MALT1: variants seen among roughly 807,000 people sequenced by gnomAD.
MALT1 encodes MALT1 paracaspase.
Under a neutral mutation model 85.5 loss-of-function variants are expected in MALT1, and 36 were observed. The observed-to-expected ratio is 0.42, with a 90% CI of 0.32 to 0.56. MALT1 has a LOEUF of 0.56. MALT1 is among the 20% of genes least tolerant of loss of function. MALT1 has a pLI of 0.10. For missense variants in MALT1, 716 were observed against 981.6 expected (o/e 0.73, Z 3.62); for synonymous variants, 359 against 361.3 (o/e 0.99, Z 0.07).
chr18:58,684,224 G>A (rs930230379), intron 2 of MALT1, among the ~76,000 whole-genome samples: 1 of 151,982 alleles, frequency 6.6e-6, no homozygotes, highest in Admixed American at 6.6e-5. Context: ...GGGAGCCACC[G>A]CCCTGTTTCT....
Position 58,747,854 on chromosome 18 carries a change from T to C in MALT1, c.*12T>C. On this transcript the variant is annotated 3_prime_UTR_variant, in exon 17 of 17. Coordinates refer to ENST00000649217, the MANE Select transcript of MALT1 (RefSeq NM_006785.4). Reference sequence around the variant, plus strand: ...TTTCTGAAAAATGACCTCCTTGTTTTTGAAAGTTAGCATAATTTTAGATGC... The same window carrying C: ...TTTCTGAAAAATGACCTCCTTGTTTCTGAAAGTTAGCATAATTTTAGATGC... The C allele has an allele frequency of 6.2e-7, 1 of 1,605,412 alleles. No homozygotes were observed. The highest frequency in any genetic ancestry group is 8.5e-7 in the Non-Finnish European group (1 of 1,174,450).
intron 13 of MALT1, among the ~76,000 whole-genome samples, chr18:58,740,479 A>G (rs1052188432): frequency 4.0e-5 from 6 of 151,488 alleles, no homozygotes; most frequent in African/African-American, 1.2e-4. Context: ...CACACATCCT[A>G]TAAGTTTAGG....
chr18:58,718,874 A>G (rs1403139338), intron 9 of MALT1, among the ~76,000 whole-genome samples: 1 of 152,130 alleles, frequency 6.6e-6, no homozygotes, highest in African/African-American at 2.4e-5. Context: ...TCAAGGACGA[A>G]TTGGGAGCTC....
At chr18:58,690,478 G>T in intron 2 of MALT1, 1 of 170,458 alleles carries the variant, frequency 5.9e-6, no homozygotes. Context: ...GGAAGCCAGA[G>T]CCTCCTCCCC....
intron 9 of MALT1, among the ~76,000 whole-genome samples, chr18:58,721,104 G>T (rs1391869226): frequency 3.3e-5 from 5 of 152,192 alleles, no homozygotes; most frequent in Non-Finnish European, 7.3e-5. Context: ...AAAAGGCCAG[G>T]CGTGGTGGCT....
At position 58,748,129 on chromosome 18, in the gene MALT1, T is replaced by G; in HGVS notation, c.*287T>G. ...CAAAATATTTTCATTGTGACCACTC[T>G]GAAGTAAGAGCAATGGGAATGGCAT... On this transcript the variant is annotated 3_prime_UTR_variant, in exon 17 of 17. Coordinates refer to ENST00000649217, the MANE Select transcript of MALT1 (RefSeq NM_006785.4). 2.7e-6 allele frequency: 1 copy of G among 365,960 alleles called. No homozygotes were observed. The highest frequency in any genetic ancestry group is 5.0e-6 in the Non-Finnish European group (1 of 199,668). 22.7% of individuals were successfully genotyped at this position (365,960 alleles called of 1,614,324 possible). A position where few individuals can be genotyped will look rare whatever the true frequency, so the allele number is the denominator to read the frequency against.
At chr18:58,732,933 C>T (rs1029360913) in intron 10 of MALT1, among the ~76,000 whole-genome samples, 3 of 150,328 alleles carry the variant, frequency 2.0e-5, no homozygotes, top group Non-Finnish European at 2.9e-5. Context: ...TATTTTGAGA[C>T]AGAGTTTTGC....
At chr18:58,677,384 C>A (rs752117799) in intron 1 of MALT1, among the ~76,000 whole-genome samples, 13 of 152,126 alleles carry the variant, frequency 8.5e-5, no homozygotes, top group Non-Finnish European at 1.3e-4. Flanking sequence ...TTCTTAATTT[C>A]ATTTATCAGA....
In MALT1 at chr18:58,710,931, T is replaced by C. The variant is rs765314609; in HGVS notation, c.936T>C (p.Asp312=). 1.9e-6 allele frequency: 3 copies of C among 1,582,916 alleles called. No homozygotes were observed. The highest frequency in any genetic ancestry group is 2.3e-5 in the South Asian group (2 of 85,378). The change falls in exon 7 of 17, where the codon GAT becomes GAC. Residue 312 remains aspartate (D), a synonymous_variant. Coordinates refer to ENST00000649217, the MANE Select transcript of MALT1 (RefSeq NM_006785.4). ...KKVEIIIGRT[D]EAVECTEDEL... ...TTTTTCTGAAACAAGGAAGAACAGA[T>C]GAGGCAGTGGAGTGCACTGAAGGTA...
intron 7 of MALT1, among the ~76,000 whole-genome samples, chr18:58,713,696 A>G (rs77677647): frequency 5.3e-5 from 8 of 152,342 alleles, no homozygotes; most frequent in African/African-American, 1.9e-4. Flanking sequence ...TATGGGGTAT[A>G]TAGGAACTCT....
At position 58,696,363 on chromosome 18, in the gene MALT1, T is replaced by TTTGTA; in HGVS notation, c.377-3_377-2insTTGTA. The TTTGTA allele has an allele frequency of 7.3e-7, 1 of 1,373,286 alleles. No homozygotes were observed. The highest frequency in any genetic ancestry group is 9.5e-7 in the Non-Finnish European group (1 of 1,050,640). 85.1% of individuals were successfully genotyped at this position (1,373,286 alleles called of 1,614,324 possible). Reference sequence around the variant, plus strand: ...TTTTTTTTTTTTTTTTTTTTTTTTTTAGGAATAAAGATTACTGTAAACCCA... The same window carrying TTTGTA: ...TTTTTTTTTTTTTTTTTTTTTTTTTTTTGTAAGGAATAAAGATTACTGTAAACCCA... On this transcript the variant is annotated splice_polypyrimidine_tract_variant and splice_region_variant and intron_variant, in intron 2 of 16. Transcript: ENST00000649217.
chr18:58,745,095 C>T (rs1211690142), intron 15 of MALT1, among the ~76,000 whole-genome samples: 2 of 151,660 alleles, frequency 1.3e-5, no homozygotes, highest in Non-Finnish European at 2.9e-5. Flanking sequence ...AGCACCAAAC[C>T]CCAGAATTGA....
rs200942089 is a variant in MALT1 at position 58,744,346 on chromosome 18, G to A, written c.1762G>A (p.Glu588Lys). The A allele has an allele frequency of 6.3e-7, 1 of 1,588,052 alleles. No homozygotes were observed. Among genetic ancestry groups the A allele is most frequent in the Non-Finnish European group, 8.6e-7 (1 of 1,167,996 alleles). ...LQWAKAHELP[E>K]SMCLKFDCGV... is the part of the protein sequence containing the mutation. ...TTATTGTTCTTTTTCAGAACTTCCA[G>A]AAAGTATGTGTCTTAAGTTTGACTG... The change falls in exon 15 of 17, where the codon GAA becomes AAA. Residue 588 changes from glutamate (E) to lysine (K), a missense_variant. By Grantham distance (56) the Glu-to-Lys change is moderately conservative. Coordinates refer to ENST00000649217, the MANE Select transcript of MALT1 (RefSeq NM_006785.4).
intron 2 of MALT1, among the ~76,000 whole-genome samples, chr18:58,695,492 C>T (rs2054573900): frequency 6.6e-6 from 1 of 152,204 alleles, no homozygotes. Flanking sequence ...TATCTCACTG[C>T]TCTGTTTCTG....
At chr18:58,743,561 G>A (rs533084611) in intron 14 of MALT1, among the ~76,000 whole-genome samples, 2 of 151,728 alleles carry the variant, frequency 1.3e-5, no homozygotes, top group Admixed American at 6.6e-5. Context: ...AACAATAAAC[G>A]AAACTTCATA....
chr18:58,677,506 AC>A (rs2054258762), intron 1 of MALT1: 1 of 152,202 alleles, frequency 6.6e-6, no homozygotes, highest in Admixed American at 6.5e-5. Context: ...TGTTTCTAAT[AC>A]AGGTTCTTTC....
At chr18:58,734,445 T>C (rs1050191571) in intron 12 of MALT1, 64 bp downstream of exon 12, 2 of 1,331,636 alleles carry the variant, frequency 1.5e-6, no homozygotes, top group Non-Finnish European at 2.2e-6. Context: ...TGTTTTTGCT[T>C]TTTAGGAGCA....
Position 58,698,397 on chromosome 18 carries a change from C to T in MALT1, c.498+1910C>T, listed in dbSNP as rs2054625667. Reference sequence around the variant, plus strand: ...ATGTTTTTAAAACATAAACTTGCGGCTTGAAGGAAGCAGAGAACAGCAAGG... The same window carrying T: ...ATGTTTTTAAAACATAAACTTGCGGTTTGAAGGAAGCAGAGAACAGCAAGG... On this transcript the variant is annotated intron_variant, in intron 3 of 16. Transcript: ENST00000649217. Among the ~76,000 whole-genome samples the T allele has an allele frequency of 2.0e-5, 3 of 152,128 alleles. No individual in the cohort carries two copies. The South Asian group carries it at 6.2e-4, about 32-fold the overall frequency.
chr18:58,727,717 T>C (rs1306366346), intron 10 of MALT1, among the ~76,000 whole-genome samples: 1 of 151,032 alleles, frequency 6.6e-6, no homozygotes, highest in Non-Finnish European at 1.5e-5. Flanking sequence ...ACATTTTACG[T>C]TGTCTGAGAG....
Sources: allele counts gnomAD v4.1 joint callset (sites outside exome capture counted in the v4.1 genomes callset), GRCh38; gene constraint gnomAD v4.1.1; transcripts MANE v1.5; gene names NCBI Gene and HGNC (gene_info 2026-07-23, HGNC 2026-07-21).